MAML3: variants seen among roughly 807,000 people sequenced by gnomAD.
The protein encoded by MAML3 is mastermind-like protein 3.
A neutral mutation model predicts 101.9 loss-of-function variants in MAML3; 27 were observed. The observed-to-expected ratio is 0.27, with a 90% CI of 0.20 to 0.37. MAML3 has a LOEUF of 0.37. Ranked by LOEUF, MAML3 falls within the 10% of genes least tolerant of loss-of-function variation. The pLI, the probability that MAML3 is intolerant of heterozygous loss-of-function variation, is 1.00. For missense variants in MAML3, 1,316 were observed against 1,444.9 expected (o/e 0.91, Z 1.45); for synonymous variants, 501 against 555.9 (o/e 0.90, Z 1.39).
At chr4:140,021,731 A>G (rs1452874367) in intron 1 of MAML3, among the ~76,000 whole-genome samples, 1 of 151,996 alleles carries the variant, frequency 6.6e-6, no homozygotes, top group Non-Finnish European at 1.5e-5. Context: ...ACGTTCCTGA[A>G]TCCACTCACC....
intron 3 of MAML3, 25 bp from the exon 4 acceptor site, chr4:139,725,860 G>C (rs751859736): frequency 1.9e-6 from 3 of 1,597,456 alleles, no homozygotes; most frequent in East Asian, 4.5e-5. Flanking sequence ...CACAAGAGGG[G>C]TGGAGAGGTG....
intron 1 of MAML3, among the ~76,000 whole-genome samples, chr4:140,009,968 T>C (rs1726520527): frequency 6.6e-6 from 1 of 152,230 alleles, no homozygotes; most frequent in Non-Finnish European, 1.5e-5. Flanking sequence ...TAAGCAACTT[T>C]GGTTATCCAG....
chr4:140,145,119 A>C (rs1348404879), intron 1 of MAML3, among the ~76,000 whole-genome samples: 1 of 152,322 alleles, frequency 6.6e-6, no homozygotes, highest in Non-Finnish European at 1.5e-5. Flanking sequence ...AAGAGATAGA[A>C]GCCCCTGTCC....
In MAML3 at chr4:140,153,016, C is replaced by T. The variant is rs2111072036; in HGVS notation, c.312G>A (p.Glu104=). The change falls in exon 1 of 5, where the codon GAG becomes GAA. Residue 104 remains glutamate (E), a synonymous_variant. Coordinates refer to ENST00000509479, the MANE Select transcript of MAML3 (RefSeq NM_018717.5). Reference sequence around the variant, plus strand: ...GGCTCACGGTGTCCCGGCGCTCCAGCTCCAGCTGCTCCACCTGAGCCTGCT... The same window carrying T: ...GGCTCACGGTGTCCCGGCGCTCCAGTTCCAGCTGCTCCACCTGAGCCTGCT... ...RYQQAQVEQL[E]LERRDTVSLY... 1 of 1,600,692 alleles carries T rather than the reference C, an allele frequency of 6.2e-7. No homozygotes were observed. Among genetic ancestry groups the T allele is most frequent in the Non-Finnish European group, 8.5e-7 (1 of 1,173,780 alleles).
At chr4:140,133,638 T>A (rs1376698738) in intron 1 of MAML3, among the ~76,000 whole-genome samples, 2 of 152,196 alleles carry the variant, frequency 1.3e-5, no homozygotes, top group Non-Finnish European at 2.9e-5. Context: ...AGATTATATT[T>A]CCTAATAGTC....
intron 4 of MAML3, among the ~76,000 whole-genome samples, chr4:139,721,873 G>C (rs556244169): frequency 1.3e-5 from 2 of 152,288 alleles, no homozygotes; most frequent in East Asian, 3.9e-4. Context: ...TTGTCATGCA[G>C]TTTTGTGACC....
intron 1 of MAML3, among the ~76,000 whole-genome samples, chr4:139,961,058 C>G (rs1734003538): frequency 1.3e-5 from 2 of 152,124 alleles, no homozygotes; most frequent in African/African-American, 4.8e-5. Context: ...GGCAAAAGAT[C>G]TGGGTTTGCA....
chr4:140,137,074 C>T (rs1475897919), intron 1 of MAML3, among the ~76,000 whole-genome samples: 1 of 152,222 alleles, frequency 6.6e-6, no homozygotes, highest in Non-Finnish European at 1.5e-5. Flanking sequence ...CTGCAGGCTC[C>T]GCCTCCCGGG....
intron 1 of MAML3, among the ~76,000 whole-genome samples, chr4:140,089,166 G>C (rs143814072): frequency 1.8e-3 from 269 of 152,292 alleles, no homozygotes; most frequent in African/African-American, 5.9e-3. Context: ...CAAAGATATG[G>C]ATGTGCCTCA....
intron 2 of MAML3, among the ~76,000 whole-genome samples, chr4:139,786,127 T>C (rs1444373793): frequency 3.3e-5 from 5 of 152,008 alleles, no homozygotes; most frequent in African/African-American, 1.2e-4. Context: ...AGGGTGACCA[T>C]GTAAGACTGG....
At chr4:139,771,465 A>G (rs1383291334) in intron 2 of MAML3, among the ~76,000 whole-genome samples, 2 of 152,228 alleles carry the variant, frequency 1.3e-5, no homozygotes, top group Non-Finnish European at 1.5e-5. Flanking sequence ...TTCTGTGGCC[A>G]TGCACACAAA....
In MAML3 at chr4:139,891,001, C is replaced by T. The variant is rs761525829; in HGVS notation, c.469-34G>A. On this transcript the variant is annotated intron_variant, in intron 1 of 4. Coordinates refer to ENST00000509479, the MANE Select transcript of MAML3 (RefSeq NM_018717.5). The stretch of plus-strand genomic sequence containing the variant: ...GAAACAGGAAAGAGGATGACTAAAC[C>T]TCCAAGTCATATTTTACTCTTTAAG... 10 of 1,586,940 alleles carry T rather than the reference C, an allele frequency of 6.3e-6. No homozygotes were observed. The African/African-American group carries it at 1.2e-4, about 19-fold the overall frequency.
At chr4:139,928,962 G>C (rs1320086754) in intron 1 of MAML3, among the ~76,000 whole-genome samples, 11 of 152,224 alleles carry the variant, frequency 7.2e-5, no homozygotes, top group Non-Finnish European at 1.0e-4. Flanking sequence ...CAACAGCTGT[G>C]AAGAGGAAGG....
chr4:140,088,534 T>A (rs1727994392), intron 1 of MAML3, among the ~76,000 whole-genome samples: 1 of 152,202 alleles, frequency 6.6e-6, no homozygotes, highest in South Asian at 2.1e-4. Context: ...AAACTCATGT[T>A]CCAGCTTCTA....
intron 1 of MAML3, among the ~76,000 whole-genome samples, chr4:139,965,736 T>A (rs145959026): frequency 1.4e-4 from 22 of 152,338 alleles, no homozygotes; most frequent in African/African-American, 5.3e-4. Context: ...CAAGTACACC[T>A]GCTTATTACC....
chr4:139,980,165 T>C (rs945271099), intron 1 of MAML3, among the ~76,000 whole-genome samples: 28 of 152,212 alleles, frequency 1.8e-4, no homozygotes, highest in African/African-American at 6.8e-4. Flanking sequence ...CAAGCCTCTT[T>C]ATCTTAGGGC....
At chr4:139,945,421 T>C (rs1337124822) in intron 1 of MAML3, among the ~76,000 whole-genome samples, 2 of 152,228 alleles carry the variant, frequency 1.3e-5, no homozygotes, top group Admixed American at 6.5e-5. Flanking sequence ...TCCTTATACC[T>C]GGAAGTTTCA....
Position 139,890,325 on chromosome 4 carries a change from TGGAGACATGTGCGAAGGGAGAGTGAGA to T in MAML3, c.1084_1110del (p.Ser362_Ser370del). 6.2e-7 allele frequency: 1 copy of T among 1,611,812 alleles called. No individual in the cohort carries two copies. Among genetic ancestry groups the T allele is most frequent in the Non-Finnish European group, 8.5e-7 (1 of 1,178,572 alleles). On this transcript the variant is annotated inframe_deletion, in exon 2 of 5. Transcript: ENST00000509479. This position sits in a 1 kb window ranked among gnomAD's most constrained non-coding sequence, Gnocchi z 4.1. ...GAAGGCCTCGCCTGGGGAGATCCCA[TGGAGACATGTGCGAAGGGAGAGTGAGA>T]GGGGTCGCTCTTCACGCTCGCACTC...
At chr4:140,140,702 GAATCA>G (rs1038472076) in intron 1 of MAML3, among the ~76,000 whole-genome samples, 1 of 152,202 alleles carries the variant, frequency 6.6e-6, no homozygotes, top group Non-Finnish European at 1.5e-5. Context: ...TTTAGGCGCC[GAATCA>G]CGTACATTCC....
Sources: allele counts gnomAD v4.1 joint callset (sites outside exome capture counted in the v4.1 genomes callset), GRCh38; gene constraint gnomAD v4.1.1; non-coding constraint Gnocchi (gnomAD v3.1); transcripts MANE v1.5; gene names NCBI Gene and HGNC (gene_info 2026-07-23, HGNC 2026-07-21).